HS6ST3: variants seen among roughly 807,000 people sequenced by gnomAD.
HS6ST3 encodes heparan sulfate 6-O-sulfotransferase 3, also known as heparan-sulfate 6-O-sulfotransferase 3.
Under a neutral mutation model 36.7 loss-of-function variants are expected in HS6ST3, and 12 were observed. The ratio of observed to expected loss-of-function variants is 0.33; its 90% confidence interval spans 0.21 to 0.53. The LOEUF is 0.53. Ranked by LOEUF, HS6ST3 falls within the 20% of genes least tolerant of loss-of-function variation. The pLI is 0.95. For missense variants in HS6ST3, 584 were observed against 640.9 expected, an observed-to-expected ratio of 0.91 and a Z score of 0.96; for synonymous variants, 240 against 257.5, an observed-to-expected ratio of 0.93 and a Z score of 0.65.
At chr13:96,352,932 G>A (rs907968105) in intron 1 of HS6ST3, among the ~76,000 whole-genome samples, 3 of 152,008 alleles carry the variant, frequency 2.0e-5, no homozygotes, top group African/African-American at 7.2e-5. Flanking sequence ...ACTTCTCCAA[G>A]GTCCCACATT....
Position 96,518,496 on chromosome 13 carries a change from T to C in HS6ST3, c.708-313994T>C, listed in dbSNP as rs752421106. Among the ~76,000 whole-genome samples the C allele has an allele frequency of 3.9e-5, 6 of 152,114 alleles. No individual in the cohort carries two copies. In the South Asian group the frequency reaches 6.2e-4, roughly 16 times the overall value. ...AAATATTATCTTGTGTACAAAACTA[T>C]CAGCTTTTTTCACTATCTGCCAGGT... On this transcript the variant is annotated intron_variant, in intron 1 of 1. Coordinates refer to ENST00000376705, the MANE Select transcript of HS6ST3 (RefSeq NM_153456.4).
intron 1 of HS6ST3, among the ~76,000 whole-genome samples, chr13:96,219,787 G>A (rs1205318317): frequency 6.6e-6 from 1 of 152,074 alleles, no homozygotes; most frequent in Non-Finnish European, 1.5e-5. Flanking sequence ...GGGTTCAAGC[G>A]AGTCTCCTGC....
At chr13:96,108,984 T>C (rs1328793603) in intron 1 of HS6ST3, among the ~76,000 whole-genome samples, 1 of 152,148 alleles carries the variant, frequency 6.6e-6, no homozygotes, top group Admixed American at 6.5e-5. Context: ...TCTCTATCTC[T>C]ATCTCTATCT....
chr13:96,742,160 A>G (rs1472017927), intron 1 of HS6ST3, among the ~76,000 whole-genome samples: 1 of 152,182 alleles, frequency 6.6e-6, no homozygotes, highest in African/African-American at 2.4e-5. Context: ...GAAATAAACT[A>G]AAGAAAGAAA....
At chr13:96,594,898 T>C (rs1196319605) in intron 1 of HS6ST3, among the ~76,000 whole-genome samples, 1 of 152,214 alleles carries the variant, frequency 6.6e-6, no homozygotes, top group East Asian at 1.9e-4. Context: ...TCTTTTAAGA[T>C]GTTTATGGTA....
At chr13:96,329,549 G>A (rs975430845) in intron 1 of HS6ST3, among the ~76,000 whole-genome samples, 2 of 144,788 alleles carry the variant, frequency 1.4e-5, no homozygotes, top group African/African-American at 5.4e-5. Flanking sequence ...CTGAGAGATA[G>A]TTTGTTATAA....
intron 1 of HS6ST3, among the ~76,000 whole-genome samples, chr13:96,742,718 T>G (rs1397419498): frequency 1.3e-5 from 2 of 152,276 alleles, no homozygotes; most frequent in Middle Eastern, 3.4e-3. Context: ...CTAAGTTTAT[T>G]TCTATAAAAT....
rs1481370085 is a variant in HS6ST3 at position 96,090,560 on chromosome 13, C to G, written c.-303C>G. ...GGATGCCGCGCGTCGCCTGAGAGAG[C>G]CGCGCCGGGGCGGGAGCAGGGAGCG... On this transcript the variant is annotated 5_prime_UTR_variant, in exon 1 of 2. Transcript: ENST00000376705. Among the ~76,000 whole-genome samples, 2 of 146,212 alleles carry G rather than the reference C, an allele frequency of 1.4e-5. No individual in the cohort carries two copies. The highest frequency in any genetic ancestry group is 3.0e-5 in the Non-Finnish European group (2 of 65,774).
intron 1 of HS6ST3, among the ~76,000 whole-genome samples, chr13:96,547,441 C>T (rs896276783): frequency 6.6e-6 from 1 of 152,092 alleles, no homozygotes; most frequent in Non-Finnish European, 1.5e-5. Context: ...TAATATCTTT[C>T]ATTAGTGTTA....
chr13:96,634,106 G>A (rs1439836178), intron 1 of HS6ST3, among the ~76,000 whole-genome samples: 2 of 152,172 alleles, frequency 1.3e-5, no homozygotes, highest in African/African-American at 4.8e-5. Context: ...CCAGAACCTA[G>A]CCATGCTGGC....
chr13:96,449,767 G>A (rs141226519), intron 1 of HS6ST3, among the ~76,000 whole-genome samples: 401 of 152,252 alleles, frequency 2.6e-3, no homozygotes, highest in Non-Finnish European at 4.5e-3. Context: ...GCAAGTAGTA[G>A]GCTATCTAGC....
intron 1 of HS6ST3, among the ~76,000 whole-genome samples, chr13:96,411,179 G>A (rs1270945894): frequency 6.6e-6 from 1 of 152,166 alleles, no homozygotes; most frequent in Non-Finnish European, 1.5e-5. Context: ...ATTTTATTTG[G>A]AGAGGAAAGG....
intron 1 of HS6ST3, among the ~76,000 whole-genome samples, chr13:96,472,703 C>G (rs9513151): frequency 6.6e-6 from 1 of 151,920 alleles, no homozygotes. Flanking sequence ...TCTAACACAG[C>G]ACCTGGCACT....
At chr13:96,732,050 C>A (rs1876168018) in intron 1 of HS6ST3, among the ~76,000 whole-genome samples, 1 of 152,202 alleles carries the variant, frequency 6.6e-6, no homozygotes, top group Non-Finnish European at 1.5e-5. Flanking sequence ...TCTCTTTACG[C>A]ACATCCTTGC....
At chr13:96,135,469 C>T (rs1033388251) in intron 1 of HS6ST3, among the ~76,000 whole-genome samples, 11 of 151,968 alleles carry the variant, frequency 7.2e-5, no homozygotes, top group Admixed American at 7.2e-4. Flanking sequence ...AATATTGAGT[C>T]TAATTATAAG....
chr13:96,197,464 C>T (rs1169196096), intron 1 of HS6ST3, among the ~76,000 whole-genome samples: 3 of 152,148 alleles, frequency 2.0e-5, no homozygotes, highest in East Asian at 1.9e-4. Context: ...TATCATTCTG[C>T]CCCTGGTCCC....
intron 1 of HS6ST3, among the ~76,000 whole-genome samples, chr13:96,603,657 G>C (rs2056429231): frequency 1.3e-5 from 2 of 152,162 alleles, no homozygotes; most frequent in African/African-American, 4.8e-5. Context: ...CAGAATGATT[G>C]ATTCAGTTGG....
intron 1 of HS6ST3, among the ~76,000 whole-genome samples, chr13:96,808,987 T>G (rs1878260181): frequency 6.6e-6 from 1 of 152,168 alleles, no homozygotes; most frequent in African/African-American, 2.4e-5. Context: ...GAAGTTTTCC[T>G]GAAATGATGG....
intron 1 of HS6ST3, among the ~76,000 whole-genome samples, chr13:96,510,067 T>C (rs2056042954): frequency 6.6e-6 from 1 of 151,852 alleles, no homozygotes; most frequent in Non-Finnish European, 1.5e-5. Flanking sequence ...ACCTCCTTAG[T>C]TAAGTATATT....
Sources: allele counts gnomAD v4.1 joint callset (sites outside exome capture counted in the v4.1 genomes callset), GRCh38; gene constraint gnomAD v4.1.1; transcripts MANE v1.5; gene names NCBI Gene and HGNC (gene_info 2026-07-23, HGNC 2026-07-21).